Variants in PTPRS observed in about 807,000 individuals in gnomAD.
PTPRS encodes the protein receptor-type tyrosine-protein phosphatase S.
Under a neutral mutation model 215.3 loss-of-function variants are expected in PTPRS, and 63 were observed. That is an observed-to-expected ratio of 0.29 (90% CI 0.24 to 0.36). The LOEUF is 0.36. PTPRS is among the 10% of genes least tolerant of loss of function. The pLI is 1.00. For missense variants in PTPRS, 2,258 were observed against 2,825.8 expected (o/e 0.80, Z 4.56); for synonymous variants, 1,404 against 1,191.4 (o/e 1.18, Z -3.68).
intron 9 of PTPRS, among the ~76,000 whole-genome samples, chr19:5,249,415 G>A (rs2044796968): frequency 6.6e-6 from 1 of 152,178 alleles, no homozygotes; most frequent in Non-Finnish European, 1.5e-5. Context: ...ATTTTGAGAG[G>A]CAAACGTCCT....
rs534493089 is a variant in PTPRS at position 5,231,467 on chromosome 19, C to T, written c.1998G>A (p.Pro666=). The change falls in exon 14 of 38, where the codon CCG becomes CCA. Residue 666 remains proline (P), a synonymous_variant. Coordinates refer to ENST00000262963, the MANE Select transcript of PTPRS (RefSeq NM_002850.4). ...GGATGCCGTTCACCTCCTTGGGTTC[C>T]GGGTCCTCTGAGCCCAGCGGTCGGT... is the stretch of plus-strand genomic sequence containing the variant. ...VRYRPLGSED[P]EPKEVNGIPP... is the part of the protein sequence containing the mutation. 1.1e-5 allele frequency: 18 copies of T among 1,612,920 alleles called. No individual in the cohort carries two copies. The African/African-American group carries it at 1.3e-4, about 12-fold the overall frequency.
intron 1 of PTPRS, among the ~76,000 whole-genome samples, chr19:5,301,001 A>G (rs1337488616): frequency 6.6e-6 from 1 of 152,188 alleles, no homozygotes; most frequent in South Asian, 2.1e-4. Context: ...TCCAAACTCT[A>G]CATTTCCAAC....
intron 9 of PTPRS, among the ~76,000 whole-genome samples, chr19:5,252,629 C>T (rs939907450): frequency 6.8e-6 from 1 of 147,944 alleles, no homozygotes; most frequent in African/African-American, 2.5e-5. Context: ...CCTGTAATCC[C>T]AGCACTTTTG....
chr19:5,285,960 G>C, intron 2 of PTPRS, 90 bp downstream of exon 2: 1 of 1,232,326 alleles, frequency 8.1e-7, no homozygotes, highest in South Asian at 1.4e-5. Context: ...CCAGGGAGGA[G>C]GTGGGGAGTG....
intron 17 of PTPRS, among the ~76,000 whole-genome samples, chr19:5,224,045 G>A (rs1057360649): frequency 2.0e-5 from 3 of 152,004 alleles, no homozygotes; most frequent in Non-Finnish European, 4.4e-5. Flanking sequence ...CGGGGGTGGT[G>A]GTGCACGCCT....
chr19:5,339,547 A>G lies in PTPRS; in HGVS notation c.-95+1117T>C, dbSNP rs372253919. ...TTGGGAAGGGGGGGAATTGGTGGGAAATGTCCAGGATTTGTAGGGGGAGGT... is the reference window on the plus strand; with the variant it reads ...TTGGGAAGGGGGGGAATTGGTGGGAGATGTCCAGGATTTGTAGGGGGAGGT... On this transcript the variant is annotated intron_variant, in intron 1 of 37. Coordinates refer to ENST00000262963, the MANE Select transcript of PTPRS (RefSeq NM_002850.4). The surrounding 1 kb of genome is among the most constrained non-coding windows in gnomAD (Gnocchi z 4.2). Among the ~76,000 whole-genome samples the G allele has an allele frequency of 4.0e-5, 6 of 151,678 alleles. No homozygotes were observed. The East Asian group carries it at 9.8e-4, about 25-fold the overall frequency.
intron 2 of PTPRS, among the ~76,000 whole-genome samples, chr19:5,285,287 C>T (rs143832093): frequency 6.6e-6 from 1 of 152,360 alleles, no homozygotes; most frequent in Non-Finnish European, 1.5e-5. Context: ...CCCTCATCCC[C>T]TATGTCCTCA....
intron 1 of PTPRS, among the ~76,000 whole-genome samples, chr19:5,326,829 CAA>C (rs1409995472): frequency 6.6e-6 from 1 of 150,380 alleles, no homozygotes; most frequent in Non-Finnish European, 1.5e-5. Context: ...AAAGAAAGAA[CAA>C]GAGAGAAAGA....
In PTPRS at chr19:5,273,461, G is replaced by A. The variant is rs143349753; in HGVS notation, c.360C>T (p.Ala120=). 1 of 1,614,066 alleles carries A rather than the reference G, an allele frequency of 6.2e-7. No individual in the cohort carries two copies. Among genetic ancestry groups the A allele is most frequent in the South Asian group, 1.1e-5 (1 of 91,084 alleles). Residue 120 remains alanine (A), a synonymous_variant, in exon 4 of 38, where the codon GCC becomes GCT. Coordinates refer to ENST00000262963, the MANE Select transcript of PTPRS (RefSeq NM_002850.4). The part of the protein sequence containing the change: ...QNSVGEITVH[A]KLTVLREDQL... ...CAATACCTCGGAGGACAGTAAGCTT[G>A]GCATGGACTGTGATCTCCCCAACCG...
At chr19:5,298,182 G>A (rs561317970) in intron 1 of PTPRS, among the ~76,000 whole-genome samples, 2 of 152,222 alleles carry the variant, frequency 1.3e-5, no homozygotes, top group South Asian at 2.1e-4. Flanking sequence ...TCCAGTGTCC[G>A]GGTCACAGAA....
chr19:5,293,478 C>T lies in PTPRS; in HGVS notation c.-94-7244G>A, dbSNP rs923583465. Among the ~76,000 whole-genome samples the T allele has an allele frequency of 6.6e-6, 1 of 152,002 alleles. No homozygotes were observed. Among genetic ancestry groups the T allele is most frequent in the African/African-American group, 2.4e-5 (1 of 41,380 alleles). The stretch of plus-strand genomic sequence containing the variant: ...CATGAAACACTGAGCGAAGGGGCGC[C>T]CCAGGGAGGGCACGACCCAAGACCC... On this transcript the variant is annotated intron_variant, in intron 1 of 37. Coordinates refer to ENST00000262963, the MANE Select transcript of PTPRS (RefSeq NM_002850.4). The surrounding 1 kb of genome is among the most constrained non-coding windows in gnomAD (Gnocchi z 8.4).
intron 13 of PTPRS, among the ~76,000 whole-genome samples, chr19:5,234,496 T>A (rs749300443): frequency 1.8e-4 from 27 of 152,180 alleles, no homozygotes; most frequent in Non-Finnish European, 2.4e-4. Flanking sequence ...CCACACTACA[T>A]CTACTACTAA....
chr19:5,320,202 T>G (rs2049988138), intron 1 of PTPRS, among the ~76,000 whole-genome samples: 1 of 152,164 alleles, frequency 6.6e-6, no homozygotes, highest in Non-Finnish European at 1.5e-5. Flanking sequence ...ATCCGGCGGC[T>G]CAACACCTGT....
Position 5,339,023 on chromosome 19 carries a change from G to GGTCT in PTPRS, c.-95+1637_-95+1640dup. On this transcript the variant is annotated intron_variant, in intron 1 of 37. Transcript: ENST00000262963. The surrounding 1 kb of genome is among the most constrained non-coding windows in gnomAD (Gnocchi z 4.2). ...GGGTCCCTGTCCTTGGGACCCTAGG[G>GGTCT]GTCTCTTCCTGCCTCCTCCGGCTTC... Among the ~76,000 whole-genome samples, 1 of 152,292 alleles carries GGTCT rather than the reference G, an allele frequency of 6.6e-6. No homozygotes were observed. The highest frequency in any genetic ancestry group is 1.9e-4 in the East Asian group (1 of 5,172).
At chr19:5,333,231 G>A (rs898393686) in intron 1 of PTPRS, among the ~76,000 whole-genome samples, 9 of 151,526 alleles carry the variant, frequency 5.9e-5, no homozygotes, top group East Asian at 5.8e-4. Context: ...AGCATTTTCC[G>A]AGGCCAAGGC....
rs1051585884 is a variant in PTPRS at position 5,295,865 on chromosome 19, C to G, written c.-94-9631G>C. On this transcript the variant is annotated intron_variant, in intron 1 of 37. Transcript: ENST00000262963. The surrounding 1 kb of genome is among the most constrained non-coding windows in gnomAD (Gnocchi z 4.6). ...AACCTCCTGGGCTCAAGTGATCCTC[C>G]CACCTCAGCCTCCTGAGTAGCTTGG... Among the ~76,000 whole-genome samples the G allele has an allele frequency of 6.6e-6, 1 of 152,174 alleles. No homozygotes were observed. Among genetic ancestry groups the G allele is most frequent in the Admixed American group, 6.5e-5 (1 of 15,272 alleles).
intron 1 of PTPRS, among the ~76,000 whole-genome samples, chr19:5,329,769 A>C (rs566221019): frequency 7.3e-4 from 109 of 148,690 alleles, no homozygotes; most frequent in Middle Eastern, 7.5e-3. Flanking sequence ...CATCTCCTAA[A>C]AAAAAAAAAA....
intron 12 of PTPRS, 76 bp downstream of exon 12, chr19:5,240,123 A>C (rs1295816847): frequency 4.0e-5 from 56 of 1,392,102 alleles, no homozygotes; most frequent in Non-Finnish European, 4.5e-5. Context: ...AAGAGGGGGA[A>C]GAGACAAGGC....
At chr19:5,248,085 G>T (rs548160540) in intron 9 of PTPRS, among the ~76,000 whole-genome samples, 2 of 148,834 alleles carry the variant, frequency 1.3e-5, no homozygotes, top group Non-Finnish European at 3.0e-5. Context: ...GTGGGGGTGT[G>T]GGGGGAGAAT....
Sources: gnomAD v4.1 joint callset for allele counts (sites outside exome capture counted in the v4.1 genomes callset) on GRCh38, gnomAD v4.1.1 for gene constraint, Gnocchi (gnomAD v3.1) non-coding constraint, MANE v1.5 for transcripts, NCBI Gene and HGNC (gene_info 2026-07-23, HGNC 2026-07-21) for gene names.